PLPP3: variants seen among roughly 807,000 people sequenced by gnomAD.
The protein encoded by PLPP3 is phospholipid phosphatase 3.
In PLPP3, 6 loss-of-function variants were observed where a neutral mutation model predicts 29.6. That is an observed-to-expected ratio of 0.20 (90% CI 0.11 to 0.40). The LOEUF is 0.40. Ranked by LOEUF, PLPP3 falls within the 10% of genes least tolerant of loss-of-function variation. PLPP3 has a pLI of 1.00. For missense variants in PLPP3, 308 were observed against 407.7 expected, an observed-to-expected ratio of 0.76 and a Z score of 2.11; for synonymous variants, 152 against 159.7, an observed-to-expected ratio of 0.95 and a Z score of 0.36.
intron 5 of PLPP3, 42 bp from the exon 6 acceptor site, chr1:56,496,718 G>A (rs781597987): frequency 1.9e-5 from 30 of 1,608,260 alleles, no homozygotes; most frequent in South Asian, 5.5e-5. Context: ...AACTGACATC[G>A]GGGGTCTGGG....
intron 1 of PLPP3, among the ~76,000 whole-genome samples, chr1:56,575,142 G>T (rs534905753): frequency 6.6e-6 from 1 of 152,050 alleles, no homozygotes; most frequent in Non-Finnish European, 1.5e-5. Flanking sequence ...ATCGGTCACC[G>T]CATGTTTAAT....
In PLPP3 at chr1:56,496,560, GT is replaced by G; in HGVS notation, c.926del (p.Asn309ThrfsTer2). 6.2e-7 allele frequency: 1 copy of G among 1,614,068 alleles called. No homozygotes were observed. Among genetic ancestry groups the G allele is most frequent in the Non-Finnish European group, 8.5e-7 (1 of 1,179,962 alleles). ...AGGAGGTGGGTGGCACCTACATCAT[GT>G]TGTGGTGATTGTTCCTGTCAATAAT... ...VDIIDRNNHH[N>X]MM On this transcript the variant is annotated frameshift_variant, in exon 6 of 6. Coordinates refer to ENST00000371250, the MANE Select transcript of PLPP3 (RefSeq NM_003713.5). LOFTEE classifies it high-confidence loss of function.
intron 1 of PLPP3, among the ~76,000 whole-genome samples, chr1:56,557,485 T>C (rs189616529): frequency 8.4e-4 from 128 of 152,312 alleles, no homozygotes; most frequent in Non-Finnish European, 1.4e-3. Flanking sequence ...TCAGAATTGA[T>C]AGAATCGTAT....
intron 1 of PLPP3, among the ~76,000 whole-genome samples, chr1:56,566,089 C>G (rs1646159482): frequency 6.6e-6 from 1 of 152,168 alleles, no homozygotes; most frequent in Non-Finnish European, 1.5e-5. Context: ...ACAAGTTAAT[C>G]ACTGGTGAAA....
intron 1 of PLPP3, among the ~76,000 whole-genome samples, chr1:56,538,276 A>AT (rs1356618433): frequency 6.6e-6 from 1 of 152,150 alleles, no homozygotes; most frequent in African/African-American, 2.4e-5. Flanking sequence ...GATTCATGCT[A>AT]TTCTCTTAGA....
intron 1 of PLPP3, among the ~76,000 whole-genome samples, chr1:56,545,948 C>T (rs1175178722): frequency 2.0e-5 from 3 of 152,164 alleles, no homozygotes; most frequent in African/African-American, 4.8e-5. Context: ...GGTGAGCAAT[C>T]CAAGGGCACT....
intron 1 of PLPP3, among the ~76,000 whole-genome samples, chr1:56,539,071 A>G (rs1251315188): frequency 6.6e-6 from 1 of 151,652 alleles, no homozygotes; most frequent in African/African-American, 2.4e-5. Flanking sequence ...ACTACCACCC[A>G]TCTTCAAGTG....
At chr1:56,496,702 G>C in intron 5 of PLPP3, 26 bp from the exon 6 acceptor site, 1 of 1,612,444 alleles carries the variant, frequency 6.2e-7, no homozygotes, top group African/African-American at 1.3e-5. Context: ...AGAGATCGAA[G>C]TCAGTAACTG....
intron 2 of PLPP3, among the ~76,000 whole-genome samples, chr1:56,527,373 G>A (rs1037567446): frequency 2.0e-5 from 3 of 152,174 alleles, no homozygotes; most frequent in African/African-American, 7.2e-5. Context: ...TACAGATGGA[G>A]ATACTAAGGC....
At chr1:56,575,959 A>T (rs1646232513) in intron 1 of PLPP3, among the ~76,000 whole-genome samples, 1 of 152,200 alleles carries the variant, frequency 6.6e-6, no homozygotes, top group Non-Finnish European at 1.5e-5. Flanking sequence ...CAATTTCAGG[A>T]AAACTATCAC....
At chr1:56,574,647 G>A (rs1221495719) in intron 1 of PLPP3, among the ~76,000 whole-genome samples, 1 of 152,200 alleles carries the variant, frequency 6.6e-6, no homozygotes, top group Non-Finnish European at 1.5e-5. Context: ...GGAAGCAGGT[G>A]AAAGGACACA....
intron 2 of PLPP3, among the ~76,000 whole-genome samples, chr1:56,525,934 G>A (rs558247249): frequency 8.1e-4 from 124 of 152,280 alleles, no homozygotes; most frequent in African/African-American, 2.9e-3. Flanking sequence ...GGACGACCAC[G>A]TAGGAAGGAA....
chr1:56,551,086 C>T (rs1363783006), intron 1 of PLPP3, among the ~76,000 whole-genome samples: 3 of 152,192 alleles, frequency 2.0e-5, no homozygotes, highest in African/African-American at 2.4e-5. Flanking sequence ...TGTACTCTGT[C>T]GTGGGTAGCC....
Position 56,524,225 on chromosome 1 carries a change from T to C in PLPP3, c.575+52A>G. Reference sequence around the variant, plus strand: ...CCCAGCTAGTAAGTGCTCACTGAACTGCACTGTATGAAAGGGGTCCAGGCT... The same window carrying C: ...CCCAGCTAGTAAGTGCTCACTGAACCGCACTGTATGAAAGGGGTCCAGGCT... On this transcript the variant is annotated intron_variant, in intron 3 of 5. Coordinates refer to ENST00000371250, the MANE Select transcript of PLPP3 (RefSeq NM_003713.5). This position sits in a 1 kb window ranked among gnomAD's most constrained non-coding sequence, Gnocchi z 4.3. 1 of 1,601,140 alleles carries C rather than the reference T, an allele frequency of 6.2e-7. No individual in the cohort carries two copies. Among genetic ancestry groups the C allele is most frequent in the African/African-American group, 1.3e-5 (1 of 74,692 alleles).
intron 2 of PLPP3, among the ~76,000 whole-genome samples, 176 bp downstream of exon 2, chr1:56,536,779 G>C (rs1010560926): frequency 6.6e-6 from 1 of 152,172 alleles, no homozygotes; most frequent in Non-Finnish European, 1.5e-5. Context: ...GGGGGTGATA[G>C]CACTTACTTC....
chr1:56,506,159 G>A (rs952418448), intron 5 of PLPP3, among the ~76,000 whole-genome samples: 2 of 152,204 alleles, frequency 1.3e-5, no homozygotes, highest in African/African-American at 4.8e-5. Flanking sequence ...ACTCTCTCCT[G>A]TTAGAGAAGG....
chr1:56,551,991 C>G (rs1646042594), intron 1 of PLPP3, among the ~76,000 whole-genome samples: 1 of 152,148 alleles, frequency 6.6e-6, no homozygotes, highest in African/African-American at 2.4e-5. Flanking sequence ...ATTAGGCTTG[C>G]AAATCATTTC....
chr1:56,498,297 C>A (rs113487671), intron 5 of PLPP3, among the ~76,000 whole-genome samples: 12 of 152,292 alleles, frequency 7.9e-5, no homozygotes, highest in African/African-American at 2.2e-4. Context: ...GCACAACCTG[C>A]CAGTAGGCTC....
In PLPP3 at chr1:56,496,324, T is replaced by C. The variant is rs954582885; in HGVS notation, c.*227A>G. The C allele has an allele frequency of 4.5e-5, 20 of 440,630 alleles. No individual in the cohort carries two copies. The highest frequency in any genetic ancestry group is 7.5e-5 in the Non-Finnish European group (18 of 240,606). 27.3% of individuals were successfully genotyped at this position (440,630 alleles called of 1,614,324 possible). On this transcript the variant is annotated 3_prime_UTR_variant, in exon 6 of 6. Transcript: ENST00000371250. ...ACTAGAACATGAACACTTAAACCAA[T>C]TGCACATCCAGGACTCTGGCACTTG...
Sources: allele counts gnomAD v4.1 joint callset (sites outside exome capture counted in the v4.1 genomes callset), GRCh38; gene constraint gnomAD v4.1.1; non-coding constraint Gnocchi (gnomAD v3.1); transcripts MANE v1.5; gene names NCBI Gene and HGNC (gene_info 2026-07-23, HGNC 2026-07-21).